Variants in CCNF observed in about 807,000 individuals in gnomAD.
CCNF encodes cyclin F.
Under a neutral mutation model 85.4 loss-of-function variants are expected in CCNF, and 30 were observed. That is an observed-to-expected ratio of 0.35 (90% CI 0.26 to 0.48). The LOEUF (loss-of-function observed/expected upper bound fraction) is 0.48. Among genes scored for constraint, CCNF ranks in the 20% least tolerant of loss-of-function variants. CCNF has a pLI of 0.99. For missense variants in CCNF, 919 were observed against 1,010.4 expected (o/e 0.91, Z 1.23); for synonymous variants, 439 against 425.1 (o/e 1.03, Z -0.40).
At chr16:2,431,096 A>G (rs753473829) in intron 1 of CCNF, 34 bp from the exon 2 acceptor site, 2 of 1,609,566 alleles carry the variant, frequency 1.2e-6, no homozygotes, top group Non-Finnish European at 1.7e-6. Context: ...ATAATTTTTC[A>G]TCTTATCAAG....
chr16:2,445,749 AC>A, intron 10 of CCNF, 127 bp downstream of exon 10: 2 of 811,464 alleles, frequency 2.5e-6, no homozygotes, highest in South Asian at 1.8e-5. Flanking sequence ...TTTTCCCGAG[AC>A]CAAGTCTCGC....
rs910747864 is a variant in CCNF, at chr16:2,451,397, G to C, written c.1487+1482G>C. On this transcript the variant is annotated intron_variant, in intron 13 of 16. Transcript: ENST00000397066. The surrounding 1 kb of genome is among the most constrained non-coding windows in gnomAD (Gnocchi z 4.3). ...AGTGAGGGGTGAGGGGGACAAGCAC[G>C]GGGCTGAATTTGTACCCGGCCAGCC... is the stretch of plus-strand genomic sequence containing the variant. Among the ~76,000 whole-genome samples, 1 of 152,114 alleles carries C rather than the reference G, an allele frequency of 6.6e-6. No homozygotes were observed. The highest frequency in any genetic ancestry group is 1.5e-5 in the Non-Finnish European group (1 of 68,006).
At chr16:2,454,304 G>A (rs2065412203) in intron 15 of CCNF, among the ~76,000 whole-genome samples, 1 of 152,212 alleles carries the variant, frequency 6.6e-6, no homozygotes, top group African/African-American at 2.4e-5. Context: ...AAGCGTGACA[G>A]CACTTTCCAT....
intron 8 of CCNF, among the ~76,000 whole-genome samples, chr16:2,443,068 A>G (rs1367996936): frequency 1.0e-5 from 1 of 97,576 alleles, no homozygotes; most frequent in Non-Finnish European, 1.8e-5. Flanking sequence ...TCTATAATAT[A>G]TATTATAGAT....
Position 2,453,098 on chromosome 16 carries a change from G to C in CCNF, c.1488-112G>C. On this transcript the variant is annotated intron_variant, in intron 13 of 16. Coordinates refer to ENST00000397066, the MANE Select transcript of CCNF (RefSeq NM_001761.3). The surrounding 1 kb of genome is among the most constrained non-coding windows in gnomAD (Gnocchi z 5.6). ...AACCATTCGGGGAACTGCCAGGTCAGATTCCAGAGTGACTGCACCATTTTG... is the reference window on the plus strand; with the variant it reads ...AACCATTCGGGGAACTGCCAGGTCACATTCCAGAGTGACTGCACCATTTTG... The C allele has an allele frequency of 1.2e-6, 1 of 869,382 alleles. No individual in the cohort carries two copies. The highest frequency in any genetic ancestry group is 1.9e-5 in the Admixed American group (1 of 51,616). 53.9% of individuals were successfully genotyped at this position (869,382 alleles called of 1,614,324 possible). A position where few individuals can be genotyped will look rare whatever the true frequency, so the allele number is the denominator to read the frequency against.
rs2065397602 is a variant in CCNF, at chr16:2,451,948, A to G, written c.1488-1262A>G. 6.6e-6 allele frequency among the ~76,000 whole-genome samples: 1 copy of G among 152,204 alleles called. No homozygotes were observed. Among genetic ancestry groups the G allele is most frequent in the Admixed American group, 6.5e-5 (1 of 15,286 alleles). On this transcript the variant is annotated intron_variant, in intron 13 of 16. Coordinates refer to ENST00000397066, the MANE Select transcript of CCNF (RefSeq NM_001761.3). The surrounding 1 kb of genome is among the most constrained non-coding windows in gnomAD (Gnocchi z 4.3). ...CCCCCCTGCCAGCGTGACTCAGCCA[A>G]CGGCCTGTTGCCTGTTCTGGCCCTG...
rs2065397054 is a variant in CCNF at position 2,451,869 on chromosome 16, TGG to T, written c.1488-1339_1488-1338del. Among the ~76,000 whole-genome samples the T allele has an allele frequency of 5.3e-5, 8 of 151,446 alleles. No individual in the cohort carries two copies. The South Asian group carries it at 1.7e-3, about 32-fold the overall frequency. ...TTCTGCCACTCCTCAGACTCCTTCC[TGG>T]GAGACTTCACCACTTCCAGAATTCA... On this transcript the variant is annotated intron_variant, in intron 13 of 16. Transcript: ENST00000397066. This position sits in a 1 kb window ranked among gnomAD's most constrained non-coding sequence, Gnocchi z 4.3.
chr16:2,440,167 C>T (rs943931748), intron 8 of CCNF, among the ~76,000 whole-genome samples: 2 of 152,190 alleles, frequency 1.3e-5, no homozygotes, highest in Admixed American at 6.6e-5. Context: ...ATCTTGACAA[C>T]AAAACTTGAG....
chr16:2,452,794 A>G lies in CCNF; in HGVS notation c.1488-416A>G, dbSNP rs1465737403. The stretch of plus-strand genomic sequence containing the variant: ...CATTCCATATAAATGGCGTCATCGG[A>G]CAAGTGGCCTTCTGTGTCTAGGTGA... On this transcript the variant is annotated intron_variant, in intron 13 of 16. Coordinates refer to ENST00000397066, the MANE Select transcript of CCNF (RefSeq NM_001761.3). The surrounding 1 kb of genome is among the most constrained non-coding windows in gnomAD (Gnocchi z 4.1). 4.6e-6 allele frequency: 1 copy of G among 217,908 alleles called. No homozygotes were observed. The highest frequency in any genetic ancestry group is 5.2e-5 in the Admixed American group (1 of 19,058). 13.5% of individuals were successfully genotyped at this position (217,908 alleles called of 1,614,324 possible).
intron 15 of CCNF, 50 bp from the exon 16 acceptor site, chr16:2,455,345 C>A: frequency 6.7e-7 from 1 of 1,498,616 alleles, no homozygotes; most frequent in Non-Finnish European, 8.9e-7. Context: ...GCCTGGCCTC[C>A]CAGCGCCGCC....
At position 2,457,630 on chromosome 16, in the gene CCNF, T is replaced by A. The variant is rs983466121; in HGVS notation, c.*610T>A. The stretch of plus-strand genomic sequence containing the variant: ...ACTCCCTACGACACGTGACTCGTTT[T>A]AGAGCTCTGTCCCAGAGGCGTTCGT... On this transcript the variant is annotated 3_prime_UTR_variant, in exon 17 of 17. Coordinates refer to ENST00000397066, the MANE Select transcript of CCNF (RefSeq NM_001761.3). 1 of 152,452 alleles carries A rather than the reference T, an allele frequency of 6.6e-6. No individual in the cohort carries two copies. Among genetic ancestry groups the A allele is most frequent in the Non-Finnish European group, 1.5e-5 (1 of 68,210 alleles). The allele number at this position is 152,452 out of a possible 1,614,324, so 9.4% of individuals were successfully genotyped here. A position where few individuals can be genotyped will look rare whatever the true frequency, so the allele number is the denominator to read the frequency against.
chr16:2,440,449 G>A (rs757836181), intron 8 of CCNF, among the ~76,000 whole-genome samples: 9 of 151,866 alleles, frequency 5.9e-5, no homozygotes, highest in Non-Finnish European at 1.0e-4. Flanking sequence ...TGAAACCATC[G>A]CTACTAAAAA....
Position 2,453,644 on chromosome 16 carries a change from G to T in CCNF, c.1715+107G>T. ...AGAGAGGCCCCCAAGGCTTGTCAGG[G>T]GAGCAGCAGATCCCAGGACAGTGAC... On this transcript the variant is annotated intron_variant, in intron 15 of 16. Coordinates refer to ENST00000397066, the MANE Select transcript of CCNF (RefSeq NM_001761.3). The surrounding 1 kb of genome is among the most constrained non-coding windows in gnomAD (Gnocchi z 5.6). 1.4e-6 allele frequency: 2 copies of T among 1,437,184 alleles called. No homozygotes were observed. Among genetic ancestry groups the T allele is most frequent in the Non-Finnish European group, 1.9e-6 (2 of 1,044,384 alleles). 89.0% of individuals were successfully genotyped at this position (1,437,184 alleles called of 1,614,324 possible).
intron 9 of CCNF, 151 bp from the exon 10 acceptor site, chr16:2,445,307 A>G: frequency 1.2e-6 from 1 of 854,474 alleles, no homozygotes. Context: ...GCTTCCTGTG[A>G]CATGGCCTCT....
chr16:2,445,710 T>C, intron 10 of CCNF, 88 bp downstream of exon 10: 1 of 1,221,574 alleles, frequency 8.2e-7, no homozygotes, highest in Non-Finnish European at 1.1e-6. Context: ...TCCTCACTGG[T>C]TTGGTTTTGT....
In CCNF at chr16:2,451,387, G is replaced by A. The variant is rs1044603939; in HGVS notation, c.1487+1472G>A. ...GAGTCATGGCAGTGAGGGGTGAGGG[G>A]GACAAGCACGGGGCTGAATTTGTAC... On this transcript the variant is annotated intron_variant, in intron 13 of 16. Transcript: ENST00000397066. The surrounding 1 kb of genome is among the most constrained non-coding windows in gnomAD (Gnocchi z 4.3). 2.6e-5 allele frequency among the ~76,000 whole-genome samples: 4 copies of A among 152,038 alleles called. No homozygotes were observed. The South Asian group carries it at 8.3e-4, about 32-fold the overall frequency.
chr16:2,449,042 G>GGGGGGGGGCC, intron 11 of CCNF, 64 bp downstream of exon 11: 7 of 683,580 alleles, frequency 1.0e-5, no homozygotes, highest in African/African-American at 1.8e-5. Context: ...GTGGGGGTGG[G>GGGGGGGGGCC]CATTCAGCTT....
intron 1 of CCNF, 45 bp downstream of exon 1, chr16:2,429,542 C>T (rs983412721): frequency 3.3e-5 from 40 of 1,227,612 alleles, no homozygotes; most frequent in Non-Finnish European, 4.0e-5. Context: ...CACACCCCTT[C>T]TGCCTGCCCT....
Position 2,448,983 on chromosome 16 carries a change from G to A in CCNF, c.1218+5G>A, listed in dbSNP as rs746374120. On this transcript the variant is annotated splice_donor_5th_base_variant and intron_variant, in intron 11 of 16. Coordinates refer to ENST00000397066, the MANE Select transcript of CCNF (RefSeq NM_001761.3). ...GCCTTGGAAGGGAAGATTCGAGTAAGCAGCGGTTCCATTTTCCTTATTAAT... is the reference window on the plus strand; with the variant it reads ...GCCTTGGAAGGGAAGATTCGAGTAAACAGCGGTTCCATTTTCCTTATTAAT... 4.3e-6 allele frequency: 7 copies of A among 1,613,868 alleles called. No individual in the cohort carries two copies. Among genetic ancestry groups the A allele is most frequent in the Non-Finnish European group, 5.1e-6 (6 of 1,179,796 alleles).
Sources: allele counts gnomAD v4.1 joint callset (sites outside exome capture counted in the v4.1 genomes callset), GRCh38; gene constraint gnomAD v4.1.1; non-coding constraint Gnocchi (gnomAD v3.1); transcripts MANE v1.5; gene names NCBI Gene and HGNC (gene_info 2026-07-23, HGNC 2026-07-21).